Variants in CEMIP2 observed in about 807,000 individuals in gnomAD.
CEMIP2 encodes cell surface hyaluronidase CEMIP2.
A neutral mutation model predicts 146.9 loss-of-function variants in CEMIP2; 79 were observed. The observed-to-expected ratio is 0.54, with a 90% CI of 0.45 to 0.65. CEMIP2 has a LOEUF of 0.65. Ranked by LOEUF, CEMIP2 falls within the 30% of genes least tolerant of loss-of-function variation. The pLI is 0.00. For missense variants in CEMIP2, 1,596 were observed against 1,696.2 expected (o/e 0.94, Z 1.04); for synonymous variants, 601 against 606.3 (o/e 0.99, Z 0.13).
intron 17 of CEMIP2, 99 bp downstream of exon 17, chr9:71,709,160 A>G: frequency 8.9e-7 from 1 of 1,123,202 alleles, no homozygotes. Context: ...ATACTTTGGA[A>G]AATGTCAATC....
chr9:71,710,644 A>C (rs1223853183), intron 16 of CEMIP2, among the ~76,000 whole-genome samples: 2 of 152,204 alleles, frequency 1.3e-5, no homozygotes, highest in African/African-American at 4.8e-5. Context: ...AGTATCTAAC[A>C]AACTGCTTTT....
intron 3 of CEMIP2, 90 bp from the exon 4 acceptor site, chr9:71,745,669 C>T (rs921317894): frequency 5.2e-5 from 67 of 1,298,046 alleles, no homozygotes; most frequent in Non-Finnish European, 6.7e-5. Context: ...AATACACTTC[C>T]GCAATTAGGT....
intron 1 of CEMIP2, among the ~76,000 whole-genome samples, chr9:71,754,066 G>A (rs1205505442): frequency 6.6e-6 from 1 of 152,150 alleles, no homozygotes; most frequent in African/African-American, 2.4e-5. Context: ...CCTGTTGAGG[G>A]GTGGAGGGCT....
At chr9:71,767,597 A>G (rs1420707214) in intron 1 of CEMIP2, among the ~76,000 whole-genome samples, 2 of 152,164 alleles carry the variant, frequency 1.3e-5, no homozygotes, top group African/African-American at 4.8e-5. Flanking sequence ...CATCCAGGGA[A>G]TTCAGGACCT....
chr9:71,732,050 A>C (rs969483678), intron 7 of CEMIP2, among the ~76,000 whole-genome samples: 1 of 152,078 alleles, frequency 6.6e-6, no homozygotes, highest in Non-Finnish European at 1.5e-5. Context: ...ATACCAACCA[A>C]GAGCCTTCAG....
chr9:71,704,535 T>C (rs1307974901), intron 18 of CEMIP2, 60 bp downstream of exon 18: 2 of 1,585,634 alleles, frequency 1.3e-6, no homozygotes, highest in South Asian at 1.1e-5. Context: ...TAAGTTATTC[T>C]TTTTCTCCAC....
At chr9:71,724,440 A>G (rs1823325632) in intron 11 of CEMIP2, among the ~76,000 whole-genome samples, 1 of 151,552 alleles carries the variant, frequency 6.6e-6, no homozygotes, top group Admixed American at 6.6e-5. Flanking sequence ...TCAGTTTTGT[A>G]TAGTTTTTCC....
intron 21 of CEMIP2, among the ~76,000 whole-genome samples, chr9:71,692,297 ATTT>A (rs10683724): frequency 3.8e-5 from 3 of 78,898 alleles, no homozygotes. Flanking sequence ...CCTGCCTGAT[ATTT>A]TTTTTTTTTT....
chr9:71,760,019 A>T (rs955474182), intron 1 of CEMIP2, among the ~76,000 whole-genome samples: 106 of 78,732 alleles, frequency 1.3e-3, no homozygotes, highest in African/African-American at 6.5e-3. Context: ...AAATTTACTT[A>T]AAAAAAAAAA....
At chr9:71,711,573 A>T (rs1822905624) in intron 16 of CEMIP2, among the ~76,000 whole-genome samples, 1 of 151,540 alleles carries the variant, frequency 6.6e-6, no homozygotes, top group Non-Finnish European at 1.5e-5. Context: ...CCTGGGTGAC[A>T]GGCTGAGACC....
intron 21 of CEMIP2, among the ~76,000 whole-genome samples, chr9:71,692,427 C>A (rs1042229532): frequency 2.0e-5 from 3 of 147,466 alleles, no homozygotes; most frequent in African/African-American, 7.6e-5. Context: ...CAGTGAGACT[C>A]AGCACCCACC....
At chr9:71,765,873 G>T (rs1449978912) in intron 1 of CEMIP2, among the ~76,000 whole-genome samples, 4 of 152,218 alleles carry the variant, frequency 2.6e-5, no homozygotes, top group Admixed American at 2.0e-4. Flanking sequence ...CCACAAAGCA[G>T]GTGTTGCAAT....
chr9:71,763,266 G>T (rs142701307), intron 1 of CEMIP2, among the ~76,000 whole-genome samples: 3 of 152,096 alleles, frequency 2.0e-5, no homozygotes, highest in Non-Finnish European at 2.9e-5. Context: ...ACAACAGAAG[G>T]CTTGCTGTCT....
intron 6 of CEMIP2, 149 bp downstream of exon 6, chr9:71,734,657 G>T: frequency 3.6e-6 from 2 of 551,446 alleles, no homozygotes; most frequent in Non-Finnish European, 5.8e-6. Flanking sequence ...TCTAGTGTTT[G>T]ATGCACTCCA....
chr9:71,715,236 GCTTTTTTTTTT>G, intron 14 of CEMIP2, 147 bp from the exon 15 acceptor site: 1 of 378,738 alleles, frequency 2.6e-6, no homozygotes, highest in Non-Finnish European at 4.2e-6. Flanking sequence ...TTCAGAAACT[GCTTTTTTTTTT>G]TTTTTTTTTT....
At position 71,718,384 on chromosome 9, in the gene CEMIP2, G is replaced by A. The variant is rs147103233; in HGVS notation, c.2268-305C>T. On this transcript the variant is annotated intron_variant, in intron 12 of 23. Coordinates refer to ENST00000377044, the MANE Select transcript of CEMIP2 (RefSeq NM_013390.3). ...CAAAAAAACCCAGATCAGGAAGTAT[G>A]TCATGTGTGTTTACAAATCCTTAAG... Among the ~76,000 whole-genome samples, 1,476 of 152,236 alleles carry A rather than the reference G, an allele frequency of 9.7e-3. 11 individuals carry two copies. The highest frequency in any genetic ancestry group is 0.015 in the Non-Finnish European group (1,034 of 68,014).
rs147485093 is a variant in CEMIP2, at chr9:71,750,671, T to A, written c.-12-286A>T. On this transcript the variant is annotated intron_variant, in intron 1 of 23. Transcript: ENST00000377044. The stretch of plus-strand genomic sequence containing the variant: ...CATGTAGGTTAGGCTGGTCTCGAAC[T>A]CCCAACCTCAGGTGATCCACCCACC... Among the ~76,000 whole-genome samples, 1,149 of 151,670 alleles carry A rather than the reference T, an allele frequency of 7.6e-3. 12 individuals are homozygous for A. Among genetic ancestry groups the A allele is most frequent in the Admixed American group, 0.029 (436 of 15,206 alleles).
chr9:71,760,756 A>G (rs1824609844), intron 1 of CEMIP2, among the ~76,000 whole-genome samples: 1 of 152,222 alleles, frequency 6.6e-6, no homozygotes, highest in East Asian at 1.9e-4. Flanking sequence ...AAAAGAGAGC[A>G]AAGTACATAG....
intron 12 of CEMIP2, among the ~76,000 whole-genome samples, chr9:71,718,955 G>A (rs1410876595): frequency 1.3e-5 from 2 of 152,022 alleles, no homozygotes; most frequent in Non-Finnish European, 1.5e-5. Context: ...ACAGTTATAA[G>A]GACCTTACTG....
Sources: gnomAD v4.1 joint callset for allele counts (sites outside exome capture counted in the v4.1 genomes callset) on GRCh38, gnomAD v4.1.1 for gene constraint, MANE v1.5 for transcripts, NCBI Gene and HGNC (gene_info 2026-07-23, HGNC 2026-07-21) for gene names.